CDH12: variants seen among roughly 807,000 people sequenced by gnomAD.
CDH12 encodes the protein cadherin-12.
A neutral mutation model predicts 74.1 loss-of-function variants in CDH12; 41 were observed. The ratio of observed to expected loss-of-function variants is 0.55; its 90% confidence interval spans 0.43 to 0.72. CDH12 has a LOEUF of 0.72. Ranked by LOEUF, CDH12 falls within the 30% of genes least tolerant of loss-of-function variation. The pLI is 0.00. For synonymous variants in CDH12, 399 were observed against 355.0 expected (o/e 1.12, Z -1.39); for missense variants, 945 against 977.2 (o/e 0.97, Z 0.44).
At chr5:22,779,168 G>A (rs1477258065) in intron 1 of CDH12, among the ~76,000 whole-genome samples, 1 of 151,792 alleles carries the variant, frequency 6.6e-6, no homozygotes. Flanking sequence ...GGATCTAAAT[G>A]TTGCTGCTCC....
chr5:22,194,322 T>TTG (rs1491076008), intron 4 of CDH12, among the ~76,000 whole-genome samples: 1 of 140,720 alleles, frequency 7.1e-6, no homozygotes, highest in African/African-American at 2.6e-5. Flanking sequence ...TTTTTTTTTT[T>TTG]GTTTTGTTTT....
intron 4 of CDH12, among the ~76,000 whole-genome samples, chr5:22,202,149 TCCTTCCTTCCTTCCTTCCTC>T (rs1374735358): frequency 0.021 from 955 of 45,514 alleles, 12 homozygotes; most frequent in East Asian, 0.094. Context: ...CTCCCTACTT[TCCTTCCTTCCTTCCTTCCTC>T]CCTTCCTTCC....
chr5:22,420,491 G>A (rs921673103), intron 2 of CDH12, among the ~76,000 whole-genome samples: 1 of 152,006 alleles, frequency 6.6e-6, no homozygotes, highest in African/African-American at 2.4e-5. Context: ...ATAGATGTGT[G>A]GTCTTATTCC....
chr5:22,736,575 A>G (rs2127011163), intron 1 of CDH12, among the ~76,000 whole-genome samples: 1 of 151,860 alleles, frequency 6.6e-6, no homozygotes, highest in Admixed American at 6.6e-5. Context: ...TTTACTTGAA[A>G]ATTTATTTTA....
intron 2 of CDH12, among the ~76,000 whole-genome samples, chr5:22,503,763 G>T (rs1736271736): frequency 6.6e-6 from 1 of 151,980 alleles, no homozygotes; most frequent in African/African-American, 2.4e-5. Flanking sequence ...CATTTGGGAG[G>T]AGTATGAGTC....
At chr5:22,723,337 A>G (rs1389790379) in intron 1 of CDH12, among the ~76,000 whole-genome samples, 2 of 152,160 alleles carry the variant, frequency 1.3e-5, no homozygotes, top group Admixed American at 1.3e-4. Context: ...AAAAGTACAA[A>G]GTATAACATA....
At chr5:22,077,634 T>G (rs1742420891) in intron 5 of CDH12, among the ~76,000 whole-genome samples, 1 of 152,148 alleles carries the variant, frequency 6.6e-6, no homozygotes, top group Non-Finnish European at 1.5e-5. Flanking sequence ...TACTTATTTT[T>G]GGGGAAATTT....
chr5:21,901,833 A>G (rs1348436794), intron 6 of CDH12, among the ~76,000 whole-genome samples: 1 of 152,132 alleles, frequency 6.6e-6, no homozygotes, highest in Non-Finnish European at 1.5e-5. Flanking sequence ...AGGTTTTCCA[A>G]ACATCAGTCA....
At chr5:22,424,060 A>G (rs1055794334) in intron 2 of CDH12, among the ~76,000 whole-genome samples, 5 of 149,232 alleles carry the variant, frequency 3.4e-5, no homozygotes, top group African/African-American at 9.8e-5. Flanking sequence ...AAAAAAAAAG[A>G]GGGTGACTGC....
At chr5:21,838,339 C>G (rs530806969) in intron 8 of CDH12, among the ~76,000 whole-genome samples, 1 of 152,260 alleles carries the variant, frequency 6.6e-6, no homozygotes, top group African/African-American at 2.4e-5. Flanking sequence ...GCAGGTGGAT[C>G]ACCTGAGGTC....
intron 5 of CDH12, among the ~76,000 whole-genome samples, chr5:22,019,469 T>C (rs1225953669): frequency 6.6e-6 from 1 of 152,160 alleles, no homozygotes; most frequent in African/African-American, 2.4e-5. Context: ...AAGGTGGGGC[T>C]CTGAGAAGGT....
chr5:21,943,159 C>A (rs1579996914), intron 6 of CDH12, among the ~76,000 whole-genome samples: 1 of 152,164 alleles, frequency 6.6e-6, no homozygotes, highest in South Asian at 2.1e-4. Context: ...GCCTCCCCAG[C>A]CATGCAGAAC....
chr5:21,798,609 G>A (rs1746930705), intron 10 of CDH12, among the ~76,000 whole-genome samples: 1 of 152,070 alleles, frequency 6.6e-6, no homozygotes, highest in Admixed American at 6.6e-5. Flanking sequence ...GTGGGGGTAA[G>A]GAGGTCATGA....
chr5:22,540,834 A>T lies in CDH12; in HGVS notation c.-522-35470T>A, dbSNP rs566657513. On this transcript the variant is annotated intron_variant, in intron 1 of 14. Transcript: ENST00000382254. The stretch of plus-strand genomic sequence containing the variant: ...TTCTGTAAAGCAAATCTTTCTTATG[A>T]CAAATTTCATATCAGTAATGTATGG... Among the ~76,000 whole-genome samples, 11 of 152,342 alleles carry T rather than the reference A, an allele frequency of 7.2e-5. No individual in the cohort carries two copies. In the South Asian group the frequency reaches 2.3e-3, roughly 32 times the overall value.
intron 6 of CDH12, among the ~76,000 whole-genome samples, chr5:21,943,144 C>T (rs575536630): frequency 1.6e-4 from 25 of 152,280 alleles, no homozygotes; most frequent in African/African-American, 5.8e-4. Context: ...TGTAAGTTCC[C>T]TGAGGCCTCC....
chr5:22,666,280 A>AT (rs1740609513), intron 1 of CDH12, among the ~76,000 whole-genome samples: 2 of 115,068 alleles, frequency 1.7e-5, no homozygotes, highest in Non-Finnish European at 3.4e-5. Flanking sequence ...GTATCTCTCT[A>AT]TCTTTTTTTT....
intron 2 of CDH12, among the ~76,000 whole-genome samples, chr5:22,460,738 T>TTTTTTTTTTG (rs1745472110): frequency 6.8e-6 from 1 of 147,962 alleles, no homozygotes; most frequent in African/African-American, 2.5e-5. Context: ...TTTTTTTTTT[T>TTTTTTTTTTG]AGACGATGTC....
intron 4 of CDH12, among the ~76,000 whole-genome samples, chr5:22,205,820 G>A (rs1191134420): frequency 6.6e-6 from 1 of 152,062 alleles, no homozygotes; most frequent in Non-Finnish European, 1.5e-5. Flanking sequence ...ATATTGGGAA[G>A]GGAGACTGGA....
chr5:22,078,497 T>C lies in CDH12; in HGVS notation c.180A>G (p.Gln60=), dbSNP rs142320441. ...QRVKRGWVWN[Q]FFVLEEYVGS... Reference sequence around the variant, plus strand: ...CCACGTATTCTTCCAGCACAAAAAATTGATTCCATACCCAGCCACGTTTAA... The same window carrying C: ...CCACGTATTCTTCCAGCACAAAAAACTGATTCCATACCCAGCCACGTTTAA... Residue 60 remains glutamine, a synonymous_variant, in exon 5 of 15, where the codon CAA becomes CAG. Transcript: ENST00000382254. The C allele has an allele frequency of 1.5e-3, 2,393 of 1,613,934 alleles. 1 individual carries two copies. Among genetic ancestry groups the C allele is most frequent in the Non-Finnish European group, 1.7e-3 (2,035 of 1,179,874 alleles).
Sources: allele counts gnomAD v4.1 joint callset (sites outside exome capture counted in the v4.1 genomes callset), GRCh38; gene constraint gnomAD v4.1.1; transcripts MANE v1.5; gene names NCBI Gene and HGNC (gene_info 2026-07-23, HGNC 2026-07-21).